The following FXR1 variants were observed in gnomAD, a reference collection of about 807,000 sequenced individuals.
FXR1 encodes FMR1 autosomal homolog 1, also known as RNA-binding protein FXR1.
Under a neutral mutation model 84.0 loss-of-function variants are expected in FXR1, and 15 were observed. The ratio of observed to expected loss-of-function variants is 0.18; its 90% CI spans 0.12 to 0.27. The LOEUF (loss-of-function observed/expected upper bound fraction) is 0.27, where lower values mean the gene tolerates loss of function less well. Ranked by LOEUF, FXR1 falls within the 10% of genes least tolerant of loss-of-function variation. The pLI, the probability that FXR1 is intolerant of heterozygous loss-of-function variation, is 1.00. For missense variants in FXR1, 480 were observed against 774.4 expected (o/e 0.62, Z 4.51); for synonymous variants, 245 against 250.7 (o/e 0.98, Z 0.21).
At position 180,976,272 on chromosome 3, in the gene FXR1, G is replaced by T; in HGVS notation, c.1846G>T (p.Val616Phe). 1.2e-6 allele frequency: 2 copies of T among 1,603,578 alleles called. No homozygotes were observed. The highest frequency in any genetic ancestry group is 4.5e-5 in the East Asian group (2 of 44,740). Residue 616 changes from valine (V) to phenylalanine (F), a missense_variant, in exon 17 of 17, where the codon GTC (valine) becomes TTC (phenylalanine). Physicochemically the swap from Val to Phe is conservative, Grantham distance 50 (BLOSUM62 -1). This residue lies in a region of FXR1 where 94 missense variants were observed against 81.8 expected (regional missense o/e 1.15). Transcript: ENST00000357559. ...LKEENTQEAA[V>F]LNGVS is the part of the protein sequence containing the mutation. ...AGAAGAAAACACTCAAGAAGCAGCA[G>T]TCCTGAATGGTGTTTCATAAACTGA...
chr3:180,944,445 C>T (rs1001487198), intron 3 of FXR1, among the ~76,000 whole-genome samples: 1 of 151,634 alleles, frequency 6.6e-6, no homozygotes. Flanking sequence ...CTCAGCCTCC[C>T]AAGTAGCTGG....
intron 16 of FXR1, 137 bp from the exon 17 acceptor site, chr3:180,975,985 T>A: frequency 3.3e-6 from 2 of 605,388 alleles, no homozygotes; most frequent in Non-Finnish European, 5.8e-6. Context: ...ATTTTAAAGA[T>A]GTTTTAATAC....
intron 1 of FXR1, among the ~76,000 whole-genome samples, chr3:180,932,083 A>AAAAAAAAC (rs920861918): frequency 6.7e-6 from 1 of 150,370 alleles, no homozygotes; most frequent in African/African-American, 2.4e-5. Context: ...TTCAAAAAAA[A>AAAAAAAAC]AAAAAAACAA....
At chr3:180,975,804 ATTTG>A (rs1300737316) in intron 16 of FXR1, among the ~76,000 whole-genome samples, 2 of 152,118 alleles carry the variant, frequency 1.3e-5, no homozygotes, top group Non-Finnish European at 1.5e-5. Context: ...GTAGGTGATT[ATTTG>A]TTTAATATTA....
chr3:180,969,147 T>A (rs1713218333), intron 14 of FXR1, among the ~76,000 whole-genome samples: 1 of 152,200 alleles, frequency 6.6e-6, no homozygotes, highest in Non-Finnish European at 1.5e-5. Context: ...TTGTTTAGAT[T>A]TTCTCCCTTT....
At chr3:180,947,972 C>T (rs1490609614) in intron 4 of FXR1, 36 bp downstream of exon 4, 4 of 1,210,470 alleles carry the variant, frequency 3.3e-6, no homozygotes, top group Non-Finnish European at 4.8e-6. Flanking sequence ...TGACTAGTTT[C>T]TAAGGAAGTA....
At chr3:180,932,075 C>CAAAAAAA (rs4042648) in intron 1 of FXR1, among the ~76,000 whole-genome samples, 7,392 of 78,898 alleles carry the variant, frequency 0.094, 669 homozygotes, top group East Asian at 0.19. Flanking sequence ...TTGTAAGTTT[C>CAAAAAAA]AAAAAAAAAA....
chr3:180,915,060 A>G, intron 1 of FXR1: 1 of 312,610 alleles, frequency 3.2e-6, no homozygotes, highest in South Asian at 1.2e-4. Context: ...GTCTAACATG[A>G]GGGGCTTGAA....
intron 13 of FXR1, among the ~76,000 whole-genome samples, chr3:180,965,839 A>G (rs1296782151): frequency 6.6e-6 from 1 of 152,178 alleles, no homozygotes; most frequent in Admixed American, 6.5e-5. Flanking sequence ...TACCTGCTGA[A>G]ATCTATGATT....
chr3:180,967,744 A>G (rs1008738001), intron 13 of FXR1, among the ~76,000 whole-genome samples: 6 of 152,134 alleles, frequency 3.9e-5, no homozygotes, highest in African/African-American at 1.4e-4. Flanking sequence ...ATATTACATG[A>G]CATAGCACAT....
At chr3:180,921,306 G>T (rs1004815136) in intron 1 of FXR1, among the ~76,000 whole-genome samples, 5 of 151,054 alleles carry the variant, frequency 3.3e-5, no homozygotes, top group African/African-American at 1.2e-4. Context: ...GTGGGGGTGT[G>T]TGTGGAGGTT....
intron 3 of FXR1, among the ~76,000 whole-genome samples, chr3:180,937,722 T>C (rs1024653767): frequency 5.3e-5 from 8 of 152,224 alleles, no homozygotes; most frequent in African/African-American, 1.9e-4. Context: ...TTATCCATAT[T>C]ACGTAGAGTG....
chr3:180,950,421 A>G (rs953164438), intron 7 of FXR1, among the ~76,000 whole-genome samples: 1 of 151,792 alleles, frequency 6.6e-6, no homozygotes, highest in African/African-American at 2.4e-5. Context: ...TTTCTTAAGA[A>G]ACTTGAGTTT....
At chr3:180,973,603 A>G (rs1713853638) in intron 15 of FXR1, among the ~76,000 whole-genome samples, 1 of 152,220 alleles carries the variant, frequency 6.6e-6, no homozygotes, top group South Asian at 2.1e-4. Flanking sequence ...CAATATTGTA[A>G]ACTCTTTTTA....
intron 15 of FXR1, among the ~76,000 whole-genome samples, chr3:180,972,976 G>A (rs1713772700): frequency 6.6e-6 from 1 of 152,128 alleles, no homozygotes; most frequent in African/African-American, 2.4e-5. Flanking sequence ...AAAATTTCTT[G>A]TTGCTCTTAG....
intron 1 of FXR1, among the ~76,000 whole-genome samples, chr3:180,914,214 G>C (rs1250059919): frequency 2.0e-5 from 3 of 152,162 alleles, no homozygotes; most frequent in Non-Finnish European, 4.4e-5. Flanking sequence ...TGAAATTTGA[G>C]TACATAGTTA....
intron 3 of FXR1, among the ~76,000 whole-genome samples, chr3:180,942,316 C>A (rs1020499978): frequency 7.4e-6 from 1 of 135,848 alleles, no homozygotes; most frequent in East Asian, 2.3e-4. Context: ...AGGTGGAGCT[C>A]GCAGTGAGCT....
chr3:180,972,219 T>C (rs560195507), intron 15 of FXR1, among the ~76,000 whole-genome samples: 1 of 152,326 alleles, frequency 6.6e-6, no homozygotes, highest in South Asian at 2.1e-4. Flanking sequence ...ATCCCAGCAC[T>C]TTGGGAGGCC....
rs145591161 is a variant in FXR1 at position 180,977,009 on chromosome 3, A to C, written c.*717A>C. The C allele has an allele frequency of 4.5e-4, 69 of 152,634 alleles. No homozygotes were observed. Among genetic ancestry groups the C allele is most frequent in the African/African-American group, 1.6e-3 (67 of 41,556 alleles). The allele number at this position is 152,634 out of a possible 1,614,324, so 9.5% of individuals were successfully genotyped here. A position where few individuals can be genotyped will look rare whatever the true frequency, so the allele number is the denominator to read the frequency against. On this transcript the variant is annotated 3_prime_UTR_variant, in exon 17 of 17. Coordinates refer to ENST00000357559, the MANE Select transcript of FXR1 (RefSeq NM_005087.4). The stretch of plus-strand genomic sequence containing the variant: ...CATAACCTGAACTACTGAAAAGATC[A>C]ATTTCCAGAAGGTTTATTCTGTATA...
Sources: allele counts gnomAD v4.1 joint callset (sites outside exome capture counted in the v4.1 genomes callset), GRCh38; gene constraint gnomAD v4.1.1; regional missense constraint gnomAD v4.1.1; transcripts MANE v1.5; gene names NCBI Gene and HGNC (gene_info 2026-07-23, HGNC 2026-07-21).